The following MROH1 variants were observed in gnomAD, a reference collection of about 807,000 sequenced individuals.
MROH1 encodes maestro heat-like repeat-containing protein family member 1.
In MROH1, 117 loss-of-function variants were observed where a neutral mutation model predicts 116.5. The observed-to-expected ratio is 1.00, with a 90% CI of 0.86 to 1.17. MROH1 has a LOEUF of 1.17. Among genes scored for constraint, MROH1 ranks in the 50% most tolerant of loss-of-function variants. The pLI, the probability that MROH1 is intolerant of heterozygous loss-of-function variation, is 0.00. For synonymous variants in MROH1, 921 were observed against 583.9 expected (o/e 1.58, Z -8.32); for missense variants, 1,873 against 1,338.5 (o/e 1.40, Z -6.23).
intron 14 of MROH1, among the ~76,000 whole-genome samples, chr8:144,237,740 G>A (rs925135441): frequency 3.3e-5 from 5 of 152,062 alleles, no homozygotes; most frequent in South Asian, 4.2e-4. Context: ...ACACCCTGTC[G>A]CTGGGATTTT....
At chr8:144,196,389 C>T (rs1471539461) in intron 10 of MROH1, among the ~76,000 whole-genome samples, 1 of 151,770 alleles carries the variant, frequency 6.6e-6, no homozygotes, top group Admixed American at 6.6e-5. Flanking sequence ...GAGTCTTTCA[C>T]TCTGTTGCCC....
chr8:144,197,207 ATGCGGTC>A (rs983460946), intron 10 of MROH1, among the ~76,000 whole-genome samples: 1 of 152,078 alleles, frequency 6.6e-6, no homozygotes, highest in African/African-American at 2.4e-5. Flanking sequence ...ACACCCATTC[ATGCGGTC>A]TGCCTGGGCC....
chr8:144,162,198 C>T (rs1169136742), intron 2 of MROH1, among the ~76,000 whole-genome samples: 1 of 151,132 alleles, frequency 6.6e-6, no homozygotes, highest in Non-Finnish European at 1.5e-5. Flanking sequence ...GATTCTTCTG[C>T]CTCAGCCTCC....
intron 7 of MROH1, among the ~76,000 whole-genome samples, chr8:144,186,362 T>G (rs1160300560): frequency 1.3e-5 from 2 of 152,078 alleles, no homozygotes; most frequent in African/African-American, 4.8e-5. Flanking sequence ...CCTCAGGTGA[T>G]CTGTCCACCT....
At chr8:144,225,911 T>TTTG (rs1554820789) in intron 14 of MROH1, among the ~76,000 whole-genome samples, 832 of 37,208 alleles carry the variant, frequency 0.022, 8 homozygotes, top group African/African-American at 0.15. Flanking sequence ...TCATTTTTAG[T>TTTG]TTTTTTTTTT....
intron 12 of MROH1, among the ~76,000 whole-genome samples, chr8:144,216,455 CAG>C (rs1449753049): frequency 6.6e-6 from 1 of 152,086 alleles, no homozygotes; most frequent in Non-Finnish European, 1.5e-5. Context: ...TCCTGGGCAA[CAG>C]AGCAAGACTC....
At chr8:144,218,922 C>T (rs1836097265) in intron 12 of MROH1, among the ~76,000 whole-genome samples, 1 of 125,206 alleles carries the variant, frequency 8.0e-6, no homozygotes, top group Admixed American at 8.4e-5. Flanking sequence ...GCAACCTCCG[C>T]CTCCTGGGCT....
chr8:144,235,933 G>A (rs1416959079), intron 14 of MROH1, among the ~76,000 whole-genome samples: 1 of 152,126 alleles, frequency 6.6e-6, no homozygotes, highest in African/African-American at 2.4e-5. Flanking sequence ...TATTTCCTAA[G>A]AATAAGGACA....
At chr8:144,175,788 C>T (rs377660397) in intron 4 of MROH1, among the ~76,000 whole-genome samples, 2 of 152,194 alleles carry the variant, frequency 1.3e-5, no homozygotes, top group African/African-American at 4.8e-5. Flanking sequence ...CGGTGGCTCA[C>T]GCCTGTAATC....
chr8:144,259,417 G>A (rs1189553871), intron 37 of MROH1, 63 bp downstream of exon 37: 9 of 712,356 alleles, frequency 1.3e-5, no homozygotes, highest in Admixed American at 1.2e-4. Context: ...GACAGGCACG[G>A]GATGCCCTTT....
chr8:144,156,591 C>T (rs1335800660), intron 1 of MROH1, among the ~76,000 whole-genome samples: 1 of 150,598 alleles, frequency 6.6e-6, no homozygotes, highest in East Asian at 2.0e-4. Flanking sequence ...TGCCTGTAGT[C>T]CCATCTACTC....
chr8:144,172,011 G>C (rs1447267196), intron 4 of MROH1, among the ~76,000 whole-genome samples: 5 of 152,220 alleles, frequency 3.3e-5, no homozygotes, highest in Admixed American at 6.5e-5. Flanking sequence ...TCGTAAGTCT[G>C]ACAAAACAGA....
chr8:144,169,498 G>C (rs1042439272), intron 4 of MROH1, among the ~76,000 whole-genome samples: 2 of 150,864 alleles, frequency 1.3e-5, no homozygotes, highest in Non-Finnish European at 3.0e-5. Flanking sequence ...TGTTGCCCGG[G>C]CTGGAGTGCA....
intron 14 of MROH1, among the ~76,000 whole-genome samples, chr8:144,237,110 T>C (rs930338000): frequency 1.8e-4 from 28 of 151,848 alleles, no homozygotes; most frequent in Non-Finnish European, 3.2e-4. Flanking sequence ...TTTCACCGTG[T>C]TGGCCAGGAT....
At chr8:144,152,707 C>T (rs998990636) in intron 1 of MROH1, among the ~76,000 whole-genome samples, 11 of 152,132 alleles carry the variant, frequency 7.2e-5, no homozygotes, top group South Asian at 4.2e-4. Flanking sequence ...CCACCACACC[C>T]GGCTAATTTT....
rs1364156042 is a variant in MROH1 at position 144,249,012 on chromosome 8, G to A, written c.3256G>A (p.Gly1086Ser). 1.7e-5 allele frequency: 12 copies of A among 720,294 alleles called. No homozygotes were observed. The highest frequency in any genetic ancestry group is 8.9e-5 in the South Asian group (6 of 67,764). The allele number at this position is 720,294 out of a possible 1,614,324, so 44.6% of individuals were successfully genotyped here. The change falls in exon 32 of 44, where the codon GGT (glycine) becomes AGT (serine). Residue 1086 changes from glycine to serine, a missense_variant. Physicochemically the swap from Gly to Ser is moderately conservative, Grantham distance 56. Coordinates refer to ENST00000326134, the MANE Select transcript of MROH1 (RefSeq NM_032450.3). ...MINCLLQERG[G>S]VLQEKVPEIV... is the part of the protein sequence containing the mutation. ...CAACTGCCTGCTGCAGGAGCGGGGC[G>A]GTGTGCTCCAGGAGAAGGTGGGAGA...
At chr8:144,164,885 A>G (rs1820412223) in intron 3 of MROH1, among the ~76,000 whole-genome samples, 2 of 152,208 alleles carry the variant, frequency 1.3e-5, no homozygotes, top group South Asian at 2.1e-4. Context: ...GGCACATTCA[A>G]TGTCTGTGAG....
chr8:144,194,484 T>C (rs1191380180), intron 10 of MROH1, among the ~76,000 whole-genome samples: 1 of 152,148 alleles, frequency 6.6e-6, no homozygotes, highest in Non-Finnish European at 1.5e-5. Flanking sequence ...GTAAGGTCAA[T>C]AACAGGAAGG....
At chr8:144,249,629 G>A (rs946828390) in intron 32 of MROH1, among the ~76,000 whole-genome samples, 10 of 152,122 alleles carry the variant, frequency 6.6e-5, no homozygotes, top group South Asian at 4.1e-4. Context: ...CAGGGCCAGC[G>A]TCCTCCTGCC....
Sources: gnomAD v4.1 joint callset for allele counts (sites outside exome capture counted in the v4.1 genomes callset) on GRCh38, gnomAD v4.1.1 for gene constraint, MANE v1.5 for transcripts, NCBI Gene and HGNC (gene_info 2026-07-23, HGNC 2026-07-21) for gene names.